Variants in CLASP1 observed in about 807,000 individuals in gnomAD.
CLASP1 encodes the protein CLIP-associating protein 1.
In CLASP1, 38 loss-of-function variants were observed where a neutral mutation model predicts 192.3. The ratio of observed to expected loss-of-function variants is 0.20; its 90% CI spans 0.15 to 0.26. CLASP1 has a LOEUF of 0.26. CLASP1 is among the 10% of genes least tolerant of loss of function. The pLI is 1.00. For synonymous variants in CLASP1, 691 were observed against 712.8 expected (o/e 0.97, Z 0.49); for missense variants, 1,433 against 1,932.5 (o/e 0.74, Z 4.85).
At chr2:121,437,591 T>C (rs2149700742) in intron 19 of CLASP1, among the ~76,000 whole-genome samples, 1 of 152,348 alleles carries the variant, frequency 6.6e-6, no homozygotes, top group Non-Finnish European at 1.5e-5. Context: ...ACCAGAATCC[T>C]GCATCAAGAT....
In CLASP1 at chr2:121,578,035, C is replaced by T. The variant is rs866740193; in HGVS notation, c.195+27666G>A. On this transcript the variant is annotated intron_variant, in intron 2 of 39. Coordinates refer to ENST00000263710, the Ensembl canonical transcript of CLASP1. The stretch of plus-strand genomic sequence containing the variant: ...GCAACCTCTCCCTTCTGGGCTCAAG[C>T]GATCCTCCCACCCCAACCTCCTGAG... Among the ~76,000 whole-genome samples, 3 of 152,188 alleles carry T rather than the reference C, an allele frequency of 2.0e-5. No homozygotes were observed. In the East Asian group the frequency reaches 5.8e-4, roughly 30 times the overall value.
intron 3 of CLASP1, among the ~76,000 whole-genome samples, chr2:121,529,013 C>T (rs934761): frequency 0.2 from 30,792 of 152,110 alleles, 5,827 homozygotes; most frequent in African/African-American, 0.5. Flanking sequence ...TGTCTTCCTC[C>T]TTACCCCACG....
chr2:121,530,122 A>G, intron 3 of CLASP1, 125 bp downstream of exon 3: 1 of 743,386 alleles, frequency 1.3e-6, no homozygotes, highest in East Asian at 2.9e-5. Context: ...GGAGGAGCGG[A>G]AGGGAGGGAG....
intron 8 of CLASP1, among the ~76,000 whole-genome samples, chr2:121,500,350 AAG>A (rs1304375254): frequency 2.5e-5 from 2 of 79,662 alleles, no homozygotes; most frequent in Non-Finnish European, 4.9e-5. Context: ...AAGAAAAAGA[AAG>A]AAAGAAAGAA....
At chr2:121,508,007 A>G (rs1177783439) in intron 7 of CLASP1, among the ~76,000 whole-genome samples, 1 of 152,216 alleles carries the variant, frequency 6.6e-6, no homozygotes, top group Non-Finnish European at 1.5e-5. Context: ...CTTTGGGTTG[A>G]AATGAAAGGA....
At chr2:121,498,923 T>C (rs80302665) in intron 8 of CLASP1, among the ~76,000 whole-genome samples, 5,406 of 152,250 alleles carry the variant, frequency 0.036, 148 homozygotes, top group Non-Finnish European at 0.057. Context: ...CAATGACAAT[T>C]GTTGGCGAGG....
Position 121,615,348 on chromosome 2 carries a change from C to CA in CLASP1, c.-285-9169dup, listed in dbSNP as rs369382244. On this transcript the variant is annotated intron_variant, in intron 1 of 39. Coordinates refer to ENST00000263710, the Ensembl canonical transcript of CLASP1. ...GAATGAGACTCCATCTCAAAAAAAACAAAAAAAAAATAGTTACAGCACTTA... is the reference window on the plus strand; with the variant it reads ...GAATGAGACTCCATCTCAAAAAAAACAAAAAAAAAAATAGTTACAGCACTTA... Among the ~76,000 whole-genome samples, 421 of 144,218 alleles carry CA rather than the reference C, an allele frequency of 2.9e-3. 1 individual carries two copies. The highest frequency in any genetic ancestry group is 0.017 in the South Asian group (78 of 4,544). The allele number at this position is 144,218 out of a possible 152,430, so 94.6% of individuals were successfully genotyped here.
At chr2:121,497,523 G>GA (rs2150199878) in intron 8 of CLASP1, among the ~76,000 whole-genome samples, 1 of 152,254 alleles carries the variant, frequency 6.6e-6, no homozygotes, top group Admixed American at 6.5e-5. Flanking sequence ...AAAAAAATGT[G>GA]ATATAGCTAA....
chr2:121,450,330 C>CA (rs879572403), intron 16 of CLASP1, among the ~76,000 whole-genome samples: 399 of 124,062 alleles, frequency 3.2e-3, no homozygotes, highest in South Asian at 6.3e-3. Flanking sequence ...GACTCTATCT[C>CA]AAAAAAAAAA....
chr2:121,354,431 G>A (rs113753479), intron 37 of CLASP1, among the ~76,000 whole-genome samples: 2,752 of 152,308 alleles, frequency 0.018, 55 homozygotes, highest in Non-Finnish European at 0.022. Flanking sequence ...ATTTGTGCAG[G>A]TCTCAGAGTC....
exon 7 of CLASP1, chr2:121,515,736 T>C: frequency 6.2e-7 from 1 of 1,613,956 alleles, no homozygotes; most frequent in South Asian, 1.1e-5. Context: ...AAATTTCCAC[T>C]AAGCTGTTTA....
chr2:121,371,848 T>C (rs548559458), intron 34 of CLASP1, among the ~76,000 whole-genome samples: 2 of 152,332 alleles, frequency 1.3e-5, no homozygotes, highest in African/African-American at 4.8e-5. Context: ...CTGGCCCTGC[T>C]GGGAGAGATC....
At chr2:121,345,477 A>C (rs999663283) in intron 39 of CLASP1, among the ~76,000 whole-genome samples, 7 of 152,202 alleles carry the variant, frequency 4.6e-5, no homozygotes, top group African/African-American at 1.7e-4. Context: ...TTTTTGGATG[A>C]ATTTTCCATT....
chr2:121,387,606 C>T (rs763959491), intron 31 of CLASP1, among the ~76,000 whole-genome samples, 157 bp downstream of exon 32: 9 of 152,140 alleles, frequency 5.9e-5, no homozygotes, highest in Non-Finnish European at 8.8e-5. Context: ...CAGATTCATT[C>T]ATTCACTGGG....
At chr2:121,512,292 A>C (rs1049214440) in intron 7 of CLASP1, among the ~76,000 whole-genome samples, 7 of 152,304 alleles carry the variant, frequency 4.6e-5, no homozygotes, top group African/African-American at 1.7e-4. Flanking sequence ...TTTCTAGAAG[A>C]CTCAATGGGA....
chr2:121,605,639 C>T, intron 2 of CLASP1, 62 bp downstream of exon 2: 1 of 1,281,764 alleles, frequency 7.8e-7, no homozygotes. Flanking sequence ...TTATAAGGGC[C>T]AATTTTGATC....
intron 1 of CLASP1, among the ~76,000 whole-genome samples, chr2:121,611,422 A>G (rs1479682739): frequency 1.5e-4 from 17 of 111,306 alleles, no homozygotes; most frequent in Middle Eastern, 7.1e-3. Flanking sequence ...GTTACAGGAG[A>G]AAGAGGAACT....
Position 121,388,093 on chromosome 2 carries a change from T to C in CLASP1, c.3124-187A>G. 1.8e-5 allele frequency: 9 copies of C among 501,556 alleles called. No individual in the cohort carries two copies. In the South Asian group the frequency reaches 2.6e-4, roughly 15 times the overall value. The allele number at this position is 501,556 out of a possible 1,614,324, so 31.1% of individuals were successfully genotyped here. Reference sequence around the variant, plus strand: ...AGCAGTCTGACTTCAATCGGGAAAATAAACTCTGGCTTCATTTTAATGCCC... The same window carrying C: ...AGCAGTCTGACTTCAATCGGGAAAACAAACTCTGGCTTCATTTTAATGCCC... On this transcript the variant is annotated intron_variant, in intron 30 of 39. Transcript: ENST00000263710.
intron 36 of CLASP1, chr2:121,364,359 T>A (rs767117845): frequency 6.6e-6 from 1 of 152,324 alleles, no homozygotes; most frequent in Non-Finnish European, 1.5e-5. Context: ...AGAAACTTTT[T>A]CTTGTAGAGG....
Sources: allele counts gnomAD v4.1 joint callset (sites outside exome capture counted in the v4.1 genomes callset), GRCh38; gene constraint gnomAD v4.1.1; transcripts MANE v1.5; gene names NCBI Gene and HGNC (gene_info 2026-07-23, HGNC 2026-07-21).